The following KCNN2 variants were observed in gnomAD, a reference collection of about 807,000 sequenced individuals.
KCNN2 encodes the protein potassium calcium-activated channel subfamily N member 2.
In KCNN2, 24 loss-of-function variants were observed where a neutral mutation model predicts 55.5. That is an observed-to-expected ratio of 0.43 (90% CI 0.31 to 0.61). The LOEUF is 0.61. Among genes scored for constraint, KCNN2 ranks in the 20% least tolerant of loss-of-function variants. The probability of loss-of-function intolerance (pLI) is 0.08; values close to 1 mark genes in which losing one functional copy is unlikely to be tolerated. For synonymous variants in KCNN2, 431 were observed against 336.1 expected (o/e 1.28, Z -3.09); for missense variants, 754 against 853.6 (o/e 0.88, Z 1.45).
At chr5:114,202,125 T>C (rs915455092) in intron 1 of KCNN2, among the ~76,000 whole-genome samples, 4 of 152,094 alleles carry the variant, frequency 2.6e-5, no homozygotes, top group Non-Finnish European at 4.4e-5. Flanking sequence ...GCCCTGTCTG[T>C]AGACTCCCTA....
chr5:114,063,771 C>G (rs190907868), intron 1 of KCNN2, among the ~76,000 whole-genome samples: 4 of 152,334 alleles, frequency 2.6e-5, no homozygotes, highest in Non-Finnish European at 1.5e-5. Context: ...GGAAACCACT[C>G]AGTCCCAGAC....
intron 2 of KCNN2, among the ~76,000 whole-genome samples, chr5:114,340,195 A>G (rs1756991671): frequency 6.6e-6 from 1 of 152,182 alleles, no homozygotes; most frequent in African/African-American, 2.4e-5. Flanking sequence ...GAATCTCCCA[A>G]CATTTTTCAC....
Position 114,263,210 on chromosome 5 carries a change from A to G in KCNN2, c.-185+41645A>G, listed in dbSNP as rs530356928. Among the ~76,000 whole-genome samples the G allele has an allele frequency of 2.6e-4, 39 of 152,228 alleles. No individual in the cohort carries two copies. In the South Asian group the frequency reaches 6.0e-3, roughly 23 times the overall value. On this transcript the variant is annotated intron_variant, in intron 2 of 10. Coordinates refer to the KCNN2 transcript ENST00000512097. ...TTGATTGAAAACAAGCAGTTTACAG[A>G]TGGGTTGGATGTGTGCATGGGGTAG...
intron 2 of KCNN2, among the ~76,000 whole-genome samples, chr5:114,373,848 T>C (rs1757850913): frequency 6.7e-6 from 1 of 149,084 alleles, no homozygotes; most frequent in Admixed American, 6.8e-5. Context: ...AAAAAAAAAG[T>C]GGCCATTCAA....
intron 1 of KCNN2, among the ~76,000 whole-genome samples, chr5:114,135,442 C>T (rs544530959): frequency 9.2e-5 from 14 of 152,206 alleles, no homozygotes; most frequent in South Asian, 2.1e-4. Flanking sequence ...ATATTAAGAC[C>T]CCCCAACCCG....
intron 2 of KCNN2, among the ~76,000 whole-genome samples, chr5:114,307,510 C>G (rs147375074): frequency 1.4e-3 from 206 of 152,236 alleles, no homozygotes; most frequent in African/African-American, 4.9e-3. Flanking sequence ...ATTCTAGAAT[C>G]ATAGCCTCAT....
chr5:114,333,274 T>C (rs1158678589), intron 2 of KCNN2, among the ~76,000 whole-genome samples: 2 of 152,212 alleles, frequency 1.3e-5, no homozygotes, highest in African/African-American at 4.8e-5. Flanking sequence ...GCAAAAACCT[T>C]ACAAGACAAT....
chr5:114,167,809 T>C (rs1435722769), intron 1 of KCNN2, among the ~76,000 whole-genome samples: 1 of 152,164 alleles, frequency 6.6e-6, no homozygotes, highest in Non-Finnish European at 1.5e-5. Context: ...AAAAGTTTCC[T>C]AATGCCCATT....
chr5:114,110,604 A>G (rs1296763955), intron 1 of KCNN2, among the ~76,000 whole-genome samples: 1 of 151,978 alleles, frequency 6.6e-6, no homozygotes, highest in Non-Finnish European at 1.5e-5. Flanking sequence ...TTTTTTTCCC[A>G]TTCTCTTTTG....
intron 3 of KCNN2, among the ~76,000 whole-genome samples, chr5:114,421,827 C>G (rs2150081320): frequency 6.6e-6 from 1 of 152,248 alleles, no homozygotes; most frequent in Admixed American, 6.5e-5. Context: ...CCAGGTGGGT[C>G]TCGAACTCCT....
chr5:114,093,140 G>A (rs1217169060), intron 1 of KCNN2, among the ~76,000 whole-genome samples: 2 of 151,958 alleles, frequency 1.3e-5, no homozygotes, highest in African/African-American at 4.8e-5. Context: ...TCTCTCTCAA[G>A]TTCAACGTTG....
At chr5:114,386,775 C>G (rs1482785111) in intron 2 of KCNN2, among the ~76,000 whole-genome samples, 1 of 152,206 alleles carries the variant, frequency 6.6e-6, no homozygotes, top group East Asian at 1.9e-4. Flanking sequence ...ACTAACATGT[C>G]AGCGAATACA....
intron 1 of KCNN2, among the ~76,000 whole-genome samples, chr5:114,198,440 A>G (rs554599795): frequency 1.5e-5 from 2 of 137,012 alleles, no homozygotes; most frequent in East Asian, 4.0e-4. Flanking sequence ...GTATATATAT[A>G]TGTGTTTACA....
At chr5:114,475,949 GCTTTTTCATTAAGTA>G (rs1761945203) in intron 5 of KCNN2, among the ~76,000 whole-genome samples, 1 of 152,018 alleles carries the variant, frequency 6.6e-6, no homozygotes. Flanking sequence ...CCTGTTGAAA[GCTTTTTCATTAAGTA>G]CTGTTCTGGT....
chr5:114,163,230 C>T (rs1752831695), intron 1 of KCNN2, among the ~76,000 whole-genome samples: 1 of 152,154 alleles, frequency 6.6e-6, no homozygotes. Flanking sequence ...ATCATGTCGT[C>T]TGCAAACAGG....
At chr5:114,245,507 A>G (rs545255969) in intron 2 of KCNN2, among the ~76,000 whole-genome samples, 1 of 152,238 alleles carries the variant, frequency 6.6e-6, no homozygotes, top group Non-Finnish European at 1.5e-5. Context: ...CACAGCATCT[A>G]TATCAAAAGT....
chr5:114,173,032 C>A (rs1753068573), intron 1 of KCNN2, among the ~76,000 whole-genome samples: 1 of 151,746 alleles, frequency 6.6e-6, no homozygotes, highest in African/African-American at 2.4e-5. Context: ...GGAGATTTTC[C>A]TCAATATTTT....
intron 5 of KCNN2, among the ~76,000 whole-genome samples, chr5:114,475,421 G>C (rs1304747454): frequency 6.6e-6 from 1 of 151,956 alleles, no homozygotes; most frequent in Non-Finnish European, 1.5e-5. Flanking sequence ...ACCTGCAGGA[G>C]AGAACCACCT....
intron 3 of KCNN2, among the ~76,000 whole-genome samples, chr5:114,429,083 C>G (rs538177410): frequency 2.0e-5 from 3 of 152,092 alleles, no homozygotes; most frequent in Admixed American, 1.3e-4. Flanking sequence ...GGATTAATAC[C>G]TGGGAGCATG....
Sources: allele counts gnomAD v4.1 joint callset (sites outside exome capture counted in the v4.1 genomes callset), GRCh38; gene constraint gnomAD v4.1.1; transcripts MANE v1.5; gene names NCBI Gene and HGNC (gene_info 2026-07-23, HGNC 2026-07-21).